The following BTBD8 variants were observed in gnomAD, a reference collection of about 807,000 sequenced individuals.
BTBD8 encodes BTB domain containing 8.
A neutral mutation model predicts 162.9 loss-of-function variants in BTBD8; 110 were observed. That is an observed-to-expected ratio of 0.68 (90% CI 0.58 to 0.79). The LOEUF is 0.79. Ranked by LOEUF, BTBD8 falls within the 30% of genes least tolerant of loss-of-function variation. BTBD8 has a pLI of 0.00. For synonymous variants in BTBD8, 667 were observed against 716.1 expected, an observed-to-expected ratio of 0.93 and a Z score of 1.10; for missense variants, 1,905 against 2,085.4, an observed-to-expected ratio of 0.91 and a Z score of 1.68.
chr1:92,151,352 C>CAAAAAAAAAA (rs11406119), intron 9 of BTBD8, among the ~76,000 whole-genome samples: 1 of 127,968 alleles, frequency 7.8e-6, no homozygotes, highest in Non-Finnish European at 1.6e-5. Context: ...GAAACTGTCT[C>CAAAAAAAAAA]AAAAAAAAAA....
rs59796834 is a variant in BTBD8 at position 92,130,539 on chromosome 1, T to TACACACACACAC, written c.752+781_752+792dup. 1.2e-3 allele frequency among the ~76,000 whole-genome samples: 160 copies of TACACACACACAC among 131,190 alleles called. 1 individual carries two copies. The highest frequency in any genetic ancestry group is 4.3e-3 in the African/African-American group (158 of 36,800). The allele number at this position is 131,190 out of a possible 152,430, so 86.1% of individuals were successfully genotyped here. On this transcript the variant is annotated intron_variant, in intron 5 of 17. Transcript: ENST00000636805. ...AAAAAAATATATATATATATATATT[T>TACACACACACAC]ACACACACACACACACACACACACA... is the stretch of plus-strand genomic sequence containing the variant.
rs534032596 is a variant in BTBD8, at chr1:92,170,197, G to T, written c.1573+1202G>T. The stretch of plus-strand genomic sequence containing the variant: ...GTAAATACCCATATTTAAATAAAAT[G>T]TTATTGGTAATCCAACTATCCAGCT... On this transcript the variant is annotated intron_variant, in intron 12 of 17. Transcript: ENST00000636805. Among the ~76,000 whole-genome samples, 264 of 152,156 alleles carry T rather than the reference G, an allele frequency of 1.7e-3. 3 individuals are homozygous for T. Among genetic ancestry groups the T allele is most frequent in the African/African-American group, 5.8e-3 (242 of 41,526 alleles).
chr1:92,150,797 A>G (rs1570746486), intron 9 of BTBD8: 2 of 152,296 alleles, frequency 1.3e-5, no homozygotes, highest in South Asian at 4.1e-4. Context: ...TCCAGAGAAA[A>G]CCCATGCAGA....
At chr1:92,145,442 A>G (rs573311353) in intron 7 of BTBD8, among the ~76,000 whole-genome samples, 1 of 152,366 alleles carries the variant, frequency 6.6e-6, no homozygotes, top group African/African-American at 2.4e-5. Context: ...CTTCAGAAAT[A>G]CACATTTAGA....
chr1:92,137,038 A>C (rs903047912), intron 5 of BTBD8, among the ~76,000 whole-genome samples: 1 of 152,204 alleles, frequency 6.6e-6, no homozygotes, highest in South Asian at 2.1e-4. Context: ...AGGGGAAAGC[A>C]TTTTAAGCAC....
At chr1:92,168,091 A>G (rs1650431236) in intron 11 of BTBD8, 106 bp downstream of exon 11, 3 of 948,588 alleles carry the variant, frequency 3.2e-6, no homozygotes, top group East Asian at 2.9e-5. Flanking sequence ...TAGGCAGTGG[A>G]TACCTAGGGG....
chr1:92,118,055 G>A (rs1047969753), intron 4 of BTBD8, among the ~76,000 whole-genome samples: 5 of 151,926 alleles, frequency 3.3e-5, no homozygotes, highest in Admixed American at 6.5e-5. Flanking sequence ...CAGTATTCTC[G>A]TATACCCCCA....
rs1026371461 is a variant in BTBD8, at chr1:92,117,025, T to A, written c.662+9024T>A. Among the ~76,000 whole-genome samples the A allele has an allele frequency of 5.3e-5, 8 of 151,948 alleles. No homozygotes were observed. The East Asian group carries it at 1.2e-3, about 22-fold the overall frequency. On this transcript the variant is annotated intron_variant, in intron 4 of 17. Transcript: ENST00000636805. ...CATCATACTCAGCTAATTTAAAAAA[T>A]TTTTTGTAGAGATGGGTTCTCGCAT...
chr1:92,094,679 C>G (rs1364467649), intron 2 of BTBD8, among the ~76,000 whole-genome samples: 1 of 152,142 alleles, frequency 6.6e-6, no homozygotes, highest in Non-Finnish European at 1.5e-5. Flanking sequence ...GAAAGTTGTG[C>G]TTGCTTTATG....
chr1:92,151,408 G>A (rs922971774), intron 9 of BTBD8, among the ~76,000 whole-genome samples: 1 of 151,726 alleles, frequency 6.6e-6, no homozygotes, highest in African/African-American at 2.4e-5. Flanking sequence ...GAAGGACTGT[G>A]TTGTATTGTT....
chr1:92,080,676 G>A lies in BTBD8; in HGVS notation c.105G>A (p.Arg35=), dbSNP rs146272958. 2.5e-6 allele frequency: 4 copies of A among 1,612,956 alleles called. No homozygotes were observed. The highest frequency in any genetic ancestry group is 2.7e-5 in the African/African-American group (2 of 74,910). The change falls in exon 1 of 18, where the codon CGG becomes CGA. Residue 35 remains arginine, a synonymous_variant. Coordinates refer to ENST00000636805, the MANE Select transcript of BTBD8 (RefSeq NM_001376131.1). ...LQRKGPCERR[R]LKATVSEQLS... ...GGAAGGGGCCGTGTGAGCGGCGCCG[G>A]CTGAAGGCGACGGTGTCGGAGCAGC...
chr1:92,130,995 C>A (rs996996288), intron 5 of BTBD8, among the ~76,000 whole-genome samples: 2 of 152,142 alleles, frequency 1.3e-5, no homozygotes, highest in African/African-American at 4.8e-5. Flanking sequence ...TGAGCTACTG[C>A]GCTTGGCCTA....
intron 12 of BTBD8, among the ~76,000 whole-genome samples, chr1:92,169,770 A>G (rs970230644): frequency 6.6e-6 from 1 of 152,244 alleles, no homozygotes; most frequent in East Asian, 1.9e-4. Flanking sequence ...CTGTTAAAAT[A>G]TATTTTGAGA....
At chr1:92,081,814 T>C (rs1168335669) in intron 1 of BTBD8, among the ~76,000 whole-genome samples, 2 of 152,154 alleles carry the variant, frequency 1.3e-5, no homozygotes, top group Admixed American at 6.6e-5. Context: ...CCACAAGTGA[T>C]CCGCCCGCCT....
intron 4 of BTBD8, chr1:92,114,705 G>A (rs1020748052): frequency 6.2e-6 from 1 of 160,340 alleles, no homozygotes; most frequent in African/African-American, 2.4e-5. Context: ...GAGATTCTCA[G>A]TGTGTTTGGA....
At chr1:92,100,851 C>T (rs1051367783) in intron 2 of BTBD8, among the ~76,000 whole-genome samples, 4 of 152,130 alleles carry the variant, frequency 2.6e-5, no homozygotes, top group Non-Finnish European at 4.4e-5. Context: ...CCTCGTGATT[C>T]GTTTGCCTCG....
chr1:92,166,141 G>A (rs1650379651), intron 9 of BTBD8, among the ~76,000 whole-genome samples: 2 of 152,208 alleles, frequency 1.3e-5, no homozygotes, highest in Middle Eastern at 6.8e-3. Flanking sequence ...AATGAATGAT[G>A]AAATGAATAA....
chr1:92,080,589 A>T lies in BTBD8; in HGVS notation c.18A>T (p.Glu6Asp). 8 of 1,614,014 alleles carry T rather than the reference A, an allele frequency of 5.0e-6. No individual in the cohort carries two copies. The highest frequency in any genetic ancestry group is 6.8e-6 in the Non-Finnish European group (8 of 1,179,918). Residue 6 changes from glutamate (E) to aspartate (D), a missense_variant, in exon 1 of 18, where the codon GAA (glutamate) becomes GAT (aspartate). Physicochemically the swap from Glu to Asp is conservative, Grantham distance 45. Coordinates refer to ENST00000636805, the MANE Select transcript of BTBD8 (RefSeq NM_001376131.1). ...TGTGAGACATGGCTCGCTGTGGGGA[A>T]GGCAGTGCGGCCCCCATGGTACTTC... The part of the protein sequence containing the change: MARCG[E>D]GSAAPMVLLG...
chr1:92,113,914 A>G (rs1648968555), intron 4 of BTBD8, among the ~76,000 whole-genome samples: 1 of 151,770 alleles, frequency 6.6e-6, no homozygotes. Flanking sequence ...CAGGAGGCTA[A>G]GGCAGGAGAA....
Sources: gnomAD v4.1 joint callset for allele counts (sites outside exome capture counted in the v4.1 genomes callset) on GRCh38, gnomAD v4.1.1 for gene constraint, MANE v1.5 for transcripts, NCBI Gene and HGNC (gene_info 2026-07-23, HGNC 2026-07-21) for gene names.